Variants in SAMMSON observed in about 807,000 individuals in gnomAD.
SAMMSON encodes long intergenic non-protein coding RNA 1212.
intron 7 of SAMMSON, among the ~76,000 whole-genome samples, chr3:70,319,295 C>T (rs1225256352): frequency 1.3e-5 from 2 of 152,050 alleles, no homozygotes; most frequent in South Asian, 2.1e-4. Flanking sequence ...ACAGTGAAGT[C>T]GAGAGCTGGA....
At chr3:70,275,944 G>C (rs1467674500) in intron 6 of SAMMSON, among the ~76,000 whole-genome samples, 2 of 151,744 alleles carry the variant, frequency 1.3e-5, no homozygotes, top group Admixed American at 1.3e-4. Flanking sequence ...AATCAGCTTT[G>C]ATTAATATTC....
intron 9 of SAMMSON, among the ~76,000 whole-genome samples, chr3:70,388,593 C>T (rs1395780181): frequency 6.6e-6 from 1 of 152,108 alleles, no homozygotes; most frequent in Non-Finnish European, 1.5e-5. Flanking sequence ...TAGTTAAGGA[C>T]AGCCATATGA....
chr3:70,082,065 T>C (rs1477380862), intron 4 of SAMMSON, among the ~76,000 whole-genome samples: 1 of 152,198 alleles, frequency 6.6e-6, no homozygotes, highest in African/African-American at 2.4e-5. Flanking sequence ...TTGACTGTTA[T>C]TCCAACACAG....
chr3:70,367,387 A>T (rs559628703), intron 9 of SAMMSON, among the ~76,000 whole-genome samples: 1 of 151,578 alleles, frequency 6.6e-6, no homozygotes, highest in South Asian at 2.1e-4. Flanking sequence ...GAATTTTTAA[A>T]TTTTTTAAAA....
intron 7 of SAMMSON, among the ~76,000 whole-genome samples, chr3:70,310,801 G>A (rs1261305905): frequency 4.6e-5 from 7 of 152,086 alleles, no homozygotes; most frequent in South Asian, 2.1e-4. Context: ...ATGTTCTGAC[G>A]AGTAACTTAA....
At chr3:70,261,749 G>A (rs1360537821) in intron 6 of SAMMSON, among the ~76,000 whole-genome samples, 2 of 152,154 alleles carry the variant, frequency 1.3e-5, no homozygotes, top group African/African-American at 4.8e-5. Flanking sequence ...CTGGGCATGT[G>A]CAGAGGAGGA....
intron 2 of SAMMSON, among the ~76,000 whole-genome samples, chr3:70,399,766 T>C (rs1701123680): frequency 6.7e-6 from 1 of 149,812 alleles, no homozygotes; most frequent in South Asian, 2.1e-4. Flanking sequence ...GCTACTCTAC[T>C]CGGGAGGCAG....
chr3:70,169,748 T>C (rs1156320977), intron 4 of SAMMSON, among the ~76,000 whole-genome samples: 1 of 150,656 alleles, frequency 6.6e-6, no homozygotes, highest in Non-Finnish European at 1.5e-5. Context: ...AAGAGGATAA[T>C]AAATTTAGAG....
At chr3:70,025,772 C>T (rs958156496) in intron 3 of SAMMSON, among the ~76,000 whole-genome samples, 10 of 151,940 alleles carry the variant, frequency 6.6e-5, no homozygotes, top group African/African-American at 1.7e-4. Flanking sequence ...TCTGTTAATA[C>T]GTATTTTGTA....
At chr3:70,045,022 TTATAA>T (rs1246181851) in intron 3 of SAMMSON, among the ~76,000 whole-genome samples, 1 of 127,524 alleles carries the variant, frequency 7.8e-6, no homozygotes, top group Non-Finnish European at 1.6e-5. Context: ...ATATAATTAA[TTATAA>T]TATATATTAT....
At chr3:70,069,451 G>C (rs1047330236) in intron 3 of SAMMSON, 2 of 152,076 alleles carry the variant, frequency 1.3e-5, no homozygotes, top group African/African-American at 4.8e-5. Flanking sequence ...AATGTGAAAA[G>C]AGCAACACTC....
At chr3:70,073,001 T>C (rs1240876113) in intron 4 of SAMMSON, among the ~76,000 whole-genome samples, 3 of 152,014 alleles carry the variant, frequency 2.0e-5, no homozygotes, top group African/African-American at 7.2e-5. Context: ...GCTGGTGAAA[T>C]TTCTGGTTCT....
intron 2 of SAMMSON, among the ~76,000 whole-genome samples, chr3:70,419,467 A>C (rs1701294665): frequency 1.3e-5 from 2 of 152,228 alleles, no homozygotes; most frequent in South Asian, 4.1e-4. Context: ...GGTTCCCTTT[A>C]TGTTTGATCA....
intron 4 of SAMMSON, among the ~76,000 whole-genome samples, chr3:70,223,786 G>A (rs1281844544): frequency 1.3e-5 from 2 of 152,126 alleles, no homozygotes; most frequent in Non-Finnish European, 2.9e-5. Flanking sequence ...ATGAACGTTA[G>A]CTGCTTTGGA....
chr3:70,360,766 A>G (rs966741534), intron 9 of SAMMSON, among the ~76,000 whole-genome samples: 3 of 152,190 alleles, frequency 2.0e-5, no homozygotes, highest in Non-Finnish European at 4.4e-5. Context: ...AAAAAAATTC[A>G]TATTTTGGAA....
intron 4 of SAMMSON, among the ~76,000 whole-genome samples, chr3:70,244,978 G>C (rs898574323): frequency 3.3e-5 from 5 of 152,058 alleles, no homozygotes; most frequent in Non-Finnish European, 7.4e-5. Context: ...CTACTTATCT[G>C]GTGCTATTAG....
intron 2 of SAMMSON, among the ~76,000 whole-genome samples, chr3:70,428,526 A>G (rs1701389612): frequency 6.6e-6 from 1 of 152,252 alleles, no homozygotes; most frequent in African/African-American, 2.4e-5. Context: ...ATATCTATAT[A>G]TAAAAAAGAA....
Position 70,216,553 on chromosome 3 carries a change from C to T in SAMMSON, n.508-32554C>T, listed in dbSNP as rs546072989. On this transcript the variant is annotated intron_variant and non_coding_transcript_variant, in intron 4 of 9. Transcript: ENST00000642114. Reference sequence around the variant, plus strand: ...AATTTTAACTAAGGCAGCCTGGCTCCAAGTCCATGTTCCTAACTAATAGGC... The same window carrying T: ...AATTTTAACTAAGGCAGCCTGGCTCTAAGTCCATGTTCCTAACTAATAGGC... 6.6e-4 allele frequency among the ~76,000 whole-genome samples: 101 copies of T among 152,142 alleles called. 3 individuals are homozygous for T. The Middle Eastern group carries it at 0.027, about 41-fold the overall frequency.
intron 4 of SAMMSON, among the ~76,000 whole-genome samples, chr3:70,132,061 G>T (rs758059856): frequency 6.6e-6 from 1 of 152,052 alleles, no homozygotes; most frequent in African/African-American, 2.4e-5. Context: ...GCCATGGCAG[G>T]GTAGGAAGTC....
Sources: allele counts gnomAD v4.1 joint callset (sites outside exome capture counted in the v4.1 genomes callset), GRCh38; gene constraint gnomAD v4.1.1; transcripts MANE v1.5; gene names NCBI Gene and HGNC (gene_info 2026-07-23, HGNC 2026-07-21).